Variants in FBXO34 observed in about 807,000 individuals in gnomAD.
FBXO34 encodes F-box only protein 34.
In FBXO34, 12 loss-of-function variants were observed where a neutral mutation model predicts 24.5. The observed-to-expected ratio is 0.49, with a 90% CI of 0.31 to 0.79. The LOEUF (loss-of-function observed/expected upper bound fraction) is 0.79, where lower values mean the gene tolerates loss of function less well. Ranked by LOEUF, FBXO34 falls within the 30% of genes least tolerant of loss-of-function variation. The pLI is 0.04. For synonymous variants in FBXO34, 320 were observed against 311.9 expected (o/e 1.03, Z -0.27); for missense variants, 823 against 857.7 (o/e 0.96, Z 0.51).
chr14:55,329,357 C>T (rs2140042904), intron 1 of FBXO34, among the ~76,000 whole-genome samples: 1 of 152,168 alleles, frequency 6.6e-6, no homozygotes, highest in Non-Finnish European at 1.5e-5. Context: ...TTAGAAGGAA[C>T]ATACTGCAGT....
chr14:55,391,704 T>C, the FBXO34 span, among the ~76,000 whole-genome samples: 2 of 152,176 alleles, frequency 1.3e-5, no homozygotes, highest in African/African-American at 4.8e-5. Flanking sequence ...CACATATGGC[T>C]AGTGGCTAAT....
At chr14:55,373,608 C>T (rs1047999480), downstream of FBXO34, among the ~76,000 whole-genome samples, 3 of 151,962 alleles carry the variant, frequency 2.0e-5, no homozygotes, top group Admixed American at 6.6e-5. Context: ...TACAGGCACC[C>T]GCCACCACGC....
At chr14:55,338,951 A>C (rs914267923) in intron 1 of FBXO34, among the ~76,000 whole-genome samples, 10 of 151,774 alleles carry the variant, frequency 6.6e-5, no homozygotes, top group African/African-American at 1.7e-4. Context: ...AAAACCCCCC[A>C]AAAAAACCAG....
At chr14:55,418,298 T>C in the FBXO34 span, among the ~76,000 whole-genome samples, 1 of 152,248 alleles carries the variant, frequency 6.6e-6, no homozygotes, top group African/African-American at 2.4e-5. Context: ...ATTAAATATC[T>C]GTAATTTGTT....
chr14:55,435,275 G>C, the FBXO34 span, among the ~76,000 whole-genome samples: 1 of 141,238 alleles, frequency 7.1e-6, no homozygotes, highest in Non-Finnish European at 1.5e-5. Flanking sequence ...ATAGTCAGGT[G>C]AAATTTTTTT....
Position 55,352,113 on chromosome 14 carries a change from A to G in FBXO34, c.1723A>G (p.Met575Val), listed in dbSNP as rs1566569529. The G allele has an allele frequency of 3.1e-6, 5 of 1,614,164 alleles. No individual in the cohort carries two copies. Among genetic ancestry groups the G allele is most frequent in the Non-Finnish European group, 4.2e-6 (5 of 1,180,026 alleles). Reference protein sequence around the residue: ...IQQLLEPQQYMAFLPHHIMVK... With the variant: ...IQQLLEPQQYVAFLPHHIMVK... Reference sequence around the variant, plus strand: ...GCAGCTTTTGGAGCCTCAGCAGTACATGGCTTTTCTGCCCCACCACATTAT... The same window carrying G: ...GCAGCTTTTGGAGCCTCAGCAGTACGTGGCTTTTCTGCCCCACCACATTAT... The change falls in exon 2 of 2, where the codon ATG becomes GTG. Residue 575 changes from methionine (M) to valine (V), a missense_variant. Physicochemically the swap from Met to Val is conservative, Grantham distance 21 (BLOSUM62 1). Transcript: ENST00000313833.
At chr14:55,430,229 C>T in the FBXO34 span, among the ~76,000 whole-genome samples, 1 of 152,040 alleles carries the variant, frequency 6.6e-6, no homozygotes, top group Non-Finnish European at 1.5e-5. Context: ...TATTTTTAGG[C>T]TGTAAATCAG....
intron 1 of FBXO34, among the ~76,000 whole-genome samples, chr14:55,314,224 A>G (rs1459152003): frequency 1.3e-5 from 2 of 152,002 alleles, no homozygotes; most frequent in African/African-American, 4.8e-5. Context: ...AAAACCTGTA[A>G]TTTAGTGTTG....
the FBXO34 span, among the ~76,000 whole-genome samples, chr14:55,427,276 G>C: frequency 1.3e-5 from 2 of 152,018 alleles, no homozygotes; most frequent in Non-Finnish European, 2.9e-5. Flanking sequence ...GCATTCAATA[G>C]CATACAGTGA....
the FBXO34 span, among the ~76,000 whole-genome samples, chr14:55,430,333 C>T: frequency 1.3e-5 from 2 of 151,592 alleles, no homozygotes; most frequent in Admixed American, 6.6e-5. Flanking sequence ...ACACTGCCCC[C>T]TCTTGGGTAT....
At chr14:55,357,121 C>T (rs776710970), downstream of FBXO34, among the ~76,000 whole-genome samples, 1 of 152,198 alleles carries the variant, frequency 6.6e-6, no homozygotes, top group Non-Finnish European at 1.5e-5. Flanking sequence ...TTTGCACAAC[C>T]TCTTGGGAAG....
chr14:55,362,743 G>T (rs889001225), downstream of FBXO34, among the ~76,000 whole-genome samples: 18 of 152,130 alleles, frequency 1.2e-4, no homozygotes, highest in African/African-American at 4.3e-4. Flanking sequence ...GGGTTGGGAG[G>T]TCTTTCTATT....
chr14:55,368,279 G>C (rs1265727037), downstream of FBXO34: 3 of 152,442 alleles, frequency 2.0e-5, no homozygotes, highest in Non-Finnish European at 4.4e-5. Context: ...GGAGTGCAAT[G>C]GCACAATCTC....
At chr14:55,441,038 G>A in the FBXO34 span, among the ~76,000 whole-genome samples, 1 of 151,990 alleles carries the variant, frequency 6.6e-6, no homozygotes, top group African/African-American at 2.4e-5. Context: ...GTAGAGACTG[G>A]TTTCACCTTG....
chr14:55,400,450 C>T, the FBXO34 span, among the ~76,000 whole-genome samples: 3 of 152,216 alleles, frequency 2.0e-5, no homozygotes, highest in African/African-American at 7.2e-5. Flanking sequence ...AGGTACACGG[C>T]ATTTCACTGG....
intron 1 of FBXO34, among the ~76,000 whole-genome samples, chr14:55,345,528 A>T (rs1430895703): frequency 6.6e-6 from 1 of 151,918 alleles, no homozygotes; most frequent in East Asian, 1.9e-4. Flanking sequence ...CTCCCTCTTC[A>T]TCCATACCTC....
chr14:55,429,327 C>G, the FBXO34 span, among the ~76,000 whole-genome samples: 1 of 152,242 alleles, frequency 6.6e-6, no homozygotes, highest in Non-Finnish European at 1.5e-5. Context: ...GTTAGAAATG[C>G]AAAGTCCCAG....
intron 1 of FBXO34, among the ~76,000 whole-genome samples, chr14:55,303,265 G>A (rs1181967512): frequency 1.3e-5 from 2 of 152,106 alleles, no homozygotes; most frequent in African/African-American, 4.8e-5. Context: ...GAACAAAGTA[G>A]ACAGAGTGAA....
At chr14:55,412,260 G>A in the FBXO34 span, among the ~76,000 whole-genome samples, 1 of 152,172 alleles carries the variant, frequency 6.6e-6, no homozygotes, top group South Asian at 2.1e-4. Flanking sequence ...TTGAATTTTG[G>A]CTCACTCACC....
Sources: gnomAD v4.1 joint callset for allele counts (sites outside exome capture counted in the v4.1 genomes callset) on GRCh38, gnomAD v4.1.1 for gene constraint, MANE v1.5 for transcripts, NCBI Gene and HGNC (gene_info 2026-07-23, HGNC 2026-07-21) for gene names.